Variants in BCO2 observed in about 807,000 individuals in gnomAD.
The protein encoded by BCO2 is carotenoid-cleaving dioxygenase, mitochondrial.
BCO2 carries 56 observed loss-of-function variants against 65.8 expected under a neutral mutation model. The observed-to-expected ratio is 0.85, with a 90% CI of 0.69 to 1.06. The LOEUF is 1.06. BCO2 is among the 50% of genes least tolerant of loss of function. The probability of loss-of-function intolerance (pLI) is 0.00; values close to 1 mark genes in which losing one functional copy is unlikely to be tolerated. For missense variants in BCO2, 675 were observed against 698.5 expected (o/e 0.97, Z 0.38); for synonymous variants, 233 against 242.3 (o/e 0.96, Z 0.36).
intron 7 of BCO2, among the ~76,000 whole-genome samples, chr11:112,201,231 TC>T (rs1289590262): frequency 1.3e-5 from 2 of 151,956 alleles, no homozygotes; most frequent in Non-Finnish European, 2.9e-5. Context: ...CACTGCAACC[TC>T]CACCTCCCGG....
chr11:112,188,166 A>G (rs1251437984), intron 2 of BCO2, among the ~76,000 whole-genome samples: 2 of 152,182 alleles, frequency 1.3e-5, no homozygotes, highest in Non-Finnish European at 2.9e-5. Flanking sequence ...AAACCGAGCC[A>G]TTGACTTTTC....
chr11:112,186,822 T>G (rs1867212700), intron 2 of BCO2, among the ~76,000 whole-genome samples: 1 of 152,128 alleles, frequency 6.6e-6, no homozygotes, highest in Non-Finnish European at 1.5e-5. Context: ...CAAGACTCCA[T>G]CTCTACAAAA....
At chr11:112,181,759 C>G (rs1201188978) in intron 2 of BCO2, 1 of 855,488 alleles carries the variant, frequency 1.2e-6, no homozygotes, top group Non-Finnish European at 2.0e-6. Context: ...TTCAGTGGTG[C>G]CGATCTTTCT....
chr11:112,181,935 A>G, intron 2 of BCO2: 1 of 596,440 alleles, frequency 1.7e-6, no homozygotes, highest in Non-Finnish European at 3.1e-6. Flanking sequence ...ATGGGAGAAA[A>G]TTTTTGCAAT....
In BCO2 at chr11:112,200,733, G is replaced by A; in HGVS notation, c.986G>A (p.Cys329Tyr). The change falls in exon 7 of 12, where the codon TGT (cysteine) becomes TAT (tyrosine). Residue 329 changes from cysteine to tyrosine, a missense_variant. Cys to Tyr is a radical substitution (Grantham distance 194, BLOSUM62 -2). Coordinates refer to ENST00000357685, the MANE Select transcript of BCO2 (RefSeq NM_031938.7). ...GATGGGATAAGCTGGGAACCCCAGT[G>A]TAATACGCGGTTTCATGTGGTGGAA... ...FSDGISWEPQ[C>Y]NTRFHVVEKR... 6.2e-7 allele frequency: 1 copy of A among 1,613,894 alleles called. No individual in the cohort carries two copies. Among genetic ancestry groups the A allele is most frequent in the Non-Finnish European group, 8.5e-7 (1 of 1,179,946 alleles).
chr11:112,217,513 C>T (rs1337390090), intron 11 of BCO2, among the ~76,000 whole-genome samples: 2 of 152,158 alleles, frequency 1.3e-5, no homozygotes, highest in Non-Finnish European at 2.9e-5. Context: ...AGGTGTGCAC[C>T]ACCACGCCTG....
Position 112,199,713 on chromosome 11 carries a change from G to T in BCO2, c.751G>T (p.Val251Phe), listed in dbSNP as rs1867677285. 15 of 1,613,512 alleles carry T rather than the reference G, an allele frequency of 9.3e-6. No individual in the cohort carries two copies. The highest frequency in any genetic ancestry group is 1.3e-5 in the African/African-American group (1 of 74,898). The stretch of plus-strand genomic sequence containing the variant: ...TCATTTTTCAGGTTTCTCCTATAAG[G>T]TTATTCGGGTTCCTCCAGAGAAGGT... ...SFGPYGFSYK[V>F]IRVPPEKVDL... The change falls in exon 6 of 12, where the codon GTT becomes TTT. Residue 251 changes from valine to phenylalanine, a missense_variant. Transcript: ENST00000357685.
Position 112,193,897 on chromosome 11 carries a change from A to G in BCO2, c.536A>G (p.Asn179Ser). ...GTTTCAGCCATGACTGACAATACTAATGTCAACTATGTGCGGTACAAGGGT... is the reference window on the plus strand; with the variant it reads ...GTTTCAGCCATGACTGACAATACTAGTGTCAACTATGTGCGGTACAAGGGT... ...GKAAAMTDNT[N>S]VNYVRYKGDY... The change falls in exon 4 of 12, where the codon AAT becomes AGT. Residue 179 changes from asparagine to serine, a missense_variant. By Grantham distance (46) the Asn-to-Ser change is conservative. Transcript: ENST00000357685. 6.2e-7 allele frequency: 1 copy of G among 1,602,872 alleles called. No homozygotes were observed. Among genetic ancestry groups the G allele is most frequent in the Non-Finnish European group, 8.5e-7 (1 of 1,169,756 alleles).
chr11:112,198,397 T>A (rs1867638156), intron 5 of BCO2, among the ~76,000 whole-genome samples: 1 of 152,050 alleles, frequency 6.6e-6, no homozygotes, highest in African/African-American at 2.4e-5. Flanking sequence ...TGTATACAAG[T>A]GCCTAGAATA....
Position 112,213,903 on chromosome 11 carries a change from A to G in BCO2, c.1332+42A>G, listed in dbSNP as rs781615777. The G allele has an allele frequency of 4.9e-5, 70 of 1,417,032 alleles. 11 individuals carry two copies. The highest frequency in any genetic ancestry group is 6.4e-5 in the Non-Finnish European group (66 of 1,038,616). 87.8% of individuals were successfully genotyped at this position (1,417,032 alleles called of 1,614,324 possible). Reference sequence around the variant, plus strand: ...CATTAGACTAAGACTTTGAACTTTAATGGTGTTACTTTATTCTTTAGCTGT... The same window carrying G: ...CATTAGACTAAGACTTTGAACTTTAGTGGTGTTACTTTATTCTTTAGCTGT... On this transcript the variant is annotated intron_variant, in intron 9 of 11. Coordinates refer to ENST00000357685, the MANE Select transcript of BCO2 (RefSeq NM_031938.7).
At chr11:112,217,493 C>G (rs1859713378) in intron 11 of BCO2, among the ~76,000 whole-genome samples, 1 of 152,218 alleles carries the variant, frequency 6.6e-6, no homozygotes, top group Admixed American at 6.5e-5. Context: ...CTCTGAGTAG[C>G]TGGTACTACA....
intron 2 of BCO2, among the ~76,000 whole-genome samples, chr11:112,182,494 A>G (rs1298715991): frequency 6.6e-6 from 1 of 152,240 alleles, no homozygotes; most frequent in Non-Finnish European, 1.5e-5. Flanking sequence ...AATGTGGCAC[A>G]TATACACCAT....
intron 4 of BCO2, chr11:112,194,285 T>C: frequency 2.4e-6 from 1 of 417,584 alleles, no homozygotes; most frequent in East Asian, 4.8e-5. Context: ...TTCCTAGCTA[T>C]GGTTAGTATT....
intron 1 of BCO2, among the ~76,000 whole-genome samples, chr11:112,176,882 A>T (rs181848633): frequency 5.4e-4 from 83 of 152,350 alleles, no homozygotes; most frequent in African/African-American, 2.0e-3. Context: ...GAGTAGTTAT[A>T]GGGCAGCAGG....
chr11:112,186,997 T>C (rs187555742), intron 2 of BCO2, among the ~76,000 whole-genome samples: 115 of 152,216 alleles, frequency 7.6e-4, no homozygotes, highest in African/African-American at 2.6e-3. Flanking sequence ...ATTGTCCCCC[T>C]CCATGCCACT....
chr11:112,184,565 AT>A (rs1308306952), intron 2 of BCO2, among the ~76,000 whole-genome samples: 1 of 152,158 alleles, frequency 6.6e-6, no homozygotes, highest in African/African-American at 2.4e-5. Context: ...GGAATGAGGA[AT>A]TTTAAACACA....
chr11:112,192,925 G>GTTTGTTTT (rs1867433832), intron 2 of BCO2, among the ~76,000 whole-genome samples: 1 of 36,658 alleles, frequency 2.7e-5, no homozygotes, highest in Non-Finnish European at 4.7e-5. Context: ...AAAATGTGAG[G>GTTTGTTTT]TTTTTTTTTT....
Position 112,213,788 on chromosome 11 carries a change from A to C in BCO2, c.1259A>C (p.Asn420Thr). Residue 420 changes from asparagine (N) to threonine (T), a missense_variant, in exon 9 of 12, where the codon AAT becomes ACT. By Grantham distance (65) the Asn-to-Thr change is moderately conservative (BLOSUM62 0). Transcript: ENST00000357685. ...RFVLPLNVSLNAPEGDNLSPL... is the reference protein window; with the variant it reads ...RFVLPLNVSLTAPEGDNLSPL... ...GTTTTGCCTTTAAATGTCAGTTTGA[A>C]TGCCCCTGAGGGAGACAACCTGAGT... The C allele has an allele frequency of 6.2e-7, 1 of 1,613,438 alleles. No homozygotes were observed. The highest frequency in any genetic ancestry group is 8.5e-7 in the Non-Finnish European group (1 of 1,179,724).
At chr11:112,182,292 G>A (rs1378970945) in intron 2 of BCO2, among the ~76,000 whole-genome samples, 3 of 152,182 alleles carry the variant, frequency 2.0e-5, no homozygotes, top group Admixed American at 6.5e-5. Flanking sequence ...AGACAGTGTG[G>A]CGATTCCTCA....
Sources: allele counts gnomAD v4.1 joint callset (sites outside exome capture counted in the v4.1 genomes callset), GRCh38; gene constraint gnomAD v4.1.1; transcripts MANE v1.5; gene names NCBI Gene and HGNC (gene_info 2026-07-23, HGNC 2026-07-21).